The following SART1 variants were observed in gnomAD, a reference collection of about 807,000 sequenced individuals.
SART1 encodes U4/U6.U5 tri-snRNP-associated protein 1.
In SART1, 28 loss-of-function variants were observed where a neutral mutation model predicts 105.0. The ratio of observed to expected loss-of-function variants is 0.27; its 90% confidence interval spans 0.20 to 0.37. SART1 has a LOEUF of 0.37. SART1 is among the 10% of genes least tolerant of loss of function. SART1 has a pLI of 1.00. For missense variants in SART1, 894 were observed against 1,106.5 expected (o/e 0.81, Z 2.72); for synonymous variants, 472 against 462.9 (o/e 1.02, Z -0.25).
chr11:65,976,895 A>C lies in SART1; in HGVS notation c.1858-119A>C. ...TCTGCAGACCTCCCAGGGCGATCTG[A>C]GGAGTAAATGAGGAAATTAAATGTT... On this transcript the variant is annotated intron_variant, in intron 14 of 19. Coordinates refer to ENST00000312397, the MANE Select transcript of SART1 (RefSeq NM_005146.5). This position sits in a 1 kb window ranked among gnomAD's most constrained non-coding sequence, Gnocchi z 5.1. 8.9e-7 allele frequency: 1 copy of C among 1,121,568 alleles called. No homozygotes were observed. 69.5% of individuals were successfully genotyped at this position (1,121,568 alleles called of 1,614,324 possible).
chr11:65,967,208 G>T, intron 9 of SART1, 51 bp from the exon 10 acceptor site: 1 of 1,599,010 alleles, frequency 6.3e-7, no homozygotes, highest in South Asian at 1.1e-5. Context: ...GGCTTGTGGC[G>T]ACCTGCCTTT....
Position 65,978,370 on chromosome 11 carries a change from A to G in SART1, c.2173-230A>G. The stretch of plus-strand genomic sequence containing the variant: ...TGCGTGGCAGGTCTCCAGGTTCCCC[A>G]TGCTCTGCCCCCATGGCAGCGCATC... On this transcript the variant is annotated intron_variant, in intron 17 of 19. Coordinates refer to ENST00000312397, the MANE Select transcript of SART1 (RefSeq NM_005146.5). The surrounding 1 kb of genome is among the most constrained non-coding windows in gnomAD (Gnocchi z 6.8). 1 of 569,898 alleles carries G rather than the reference A, an allele frequency of 1.8e-6. No homozygotes were observed. The highest frequency in any genetic ancestry group is 3.1e-6 in the Non-Finnish European group (1 of 318,062). 35.3% of individuals were successfully genotyped at this position (569,898 alleles called of 1,614,324 possible). A position where few individuals can be genotyped will look rare whatever the true frequency, so the allele number is the denominator to read the frequency against.
intron 12 of SART1, among the ~76,000 whole-genome samples, chr11:65,969,430 T>C (rs1047757264): frequency 3.3e-5 from 5 of 152,142 alleles, no homozygotes; most frequent in African/African-American, 1.2e-4. Flanking sequence ...GCCTGCACAT[T>C]AGACTCACCT....
Position 65,976,819 on chromosome 11 carries a change from T to C in SART1, c.1857+53T>C. 3 of 1,446,624 alleles carry C rather than the reference T, an allele frequency of 2.1e-6. No individual in the cohort carries two copies. Among genetic ancestry groups the C allele is most frequent in the Non-Finnish European group, 2.8e-6 (3 of 1,053,106 alleles). 89.6% of individuals were successfully genotyped at this position (1,446,624 alleles called of 1,614,324 possible). On this transcript the variant is annotated intron_variant, in intron 14 of 19. Transcript: ENST00000312397. The surrounding 1 kb of genome is among the most constrained non-coding windows in gnomAD (Gnocchi z 5.1). ...CGTTTGGGGGTGCTCAAGCTGGAGA[T>C]GAGCACCGGGCTCGGTGTCCAGAGC...
Position 65,966,104 on chromosome 11 carries a change from G to A in SART1, c.867G>A (p.Leu289=). 7 of 1,613,998 alleles carry A rather than the reference G, an allele frequency of 4.3e-6. No individual in the cohort carries two copies. Among genetic ancestry groups the A allele is most frequent in the East Asian group, 2.2e-5 (1 of 44,892 alleles). The change falls in exon 8 of 20, where the codon CTG becomes CTA. Residue 289 remains leucine, a synonymous_variant. Transcript: ENST00000312397. ...KGVLQEEEDV[L]VNVNLVDKER... ...TGCTGCAGGAGGAGGAGGACGTGCT[G>A]GTGAACGTGAACCTGGTGGATAAGG...
Position 65,978,680 on chromosome 11 carries a change from C to T in SART1, c.2253C>T (p.Asp751=), listed in dbSNP as rs757854440. 1.1e-5 allele frequency: 17 copies of T among 1,606,886 alleles called. No homozygotes were observed. The highest frequency in any genetic ancestry group is 1.4e-5 in the Non-Finnish European group (16 of 1,176,934). ...CAGAGCGGCGGATGAAGAAGCTGGACGAGGAGGCGGTGGGTGCCCTTGGGG... is the reference window on the plus strand; with the variant it reads ...CAGAGCGGCGGATGAAGAAGCTGGATGAGGAGGCGGTGGGTGCCCTTGGGG... The part of the protein sequence containing the change: ...MKTERRMKKL[D]EEALLKKMSS... The change falls in exon 18 of 20, where the codon GAC becomes GAT. Residue 751 remains aspartate (D), a synonymous_variant. Coordinates refer to ENST00000312397, the MANE Select transcript of SART1 (RefSeq NM_005146.5). This position sits in a 1 kb window ranked among gnomAD's most constrained non-coding sequence, Gnocchi z 6.8.
intron 3 of SART1, 74 bp from the exon 4 acceptor site, chr11:65,965,018 G>A (rs1855218799): frequency 2.0e-6 from 3 of 1,502,320 alleles, no homozygotes; most frequent in Non-Finnish European, 2.7e-6. Flanking sequence ...CTGGAAGGGG[G>A]CAGGGTGAGT....
rs1349176167 is a variant in SART1, at chr11:65,962,044, C to T, written c.264C>T (p.Pro88=). Residue 88 remains proline (P), a synonymous_variant, in exon 1 of 20, where the codon CCC becomes CCT. Transcript: ENST00000312397. ...THGRERSQAE[P]SERRVKREKR... is the part of the protein sequence containing the mutation. ...GGCGGGAGCGCAGCCAGGCAGAGCC[C>T]TCCGAGCGGCGCGTGAAGCGGGAGA... The T allele has an allele frequency of 4.0e-6, 6 of 1,497,982 alleles. No homozygotes were observed. The highest frequency in any genetic ancestry group is 3.7e-5 in the South Asian group (3 of 80,270). 92.8% of individuals were successfully genotyped at this position (1,497,982 alleles called of 1,614,324 possible).
chr11:65,968,930 C>G (rs1855314935), intron 12 of SART1, among the ~76,000 whole-genome samples: 1 of 152,204 alleles, frequency 6.6e-6, no homozygotes. Flanking sequence ...GAGGAAGGTT[C>G]TGTCATCTCC....
intron 15 of SART1, 128 bp downstream of exon 15, chr11:65,977,229 C>T (rs1855501579): frequency 1.5e-6 from 1 of 680,266 alleles, no homozygotes; most frequent in Middle Eastern, 3.9e-4. Flanking sequence ...CTGTCCGGCC[C>T]AGAGCCACTC....
At chr11:65,967,638 G>A in intron 11 of SART1, 41 bp from the exon 12 acceptor site, 1 of 1,597,258 alleles carries the variant, frequency 6.3e-7, no homozygotes, top group Non-Finnish European at 8.5e-7. Flanking sequence ...CCGCGGGTTG[G>A]AGGAGATGGT....
chr11:65,966,055 A>G lies in SART1; in HGVS notation c.839-21A>G, dbSNP rs754502457. ...GAGTTGCGGACAAGTGTGAATGGCCACTGCTCTGTGCTGCCCCCAGGCGTG... is the reference window on the plus strand; with the variant it reads ...GAGTTGCGGACAAGTGTGAATGGCCGCTGCTCTGTGCTGCCCCCAGGCGTG... On this transcript the variant is annotated intron_variant, in intron 7 of 19. Transcript: ENST00000312397. The G allele has an allele frequency of 5.0e-6, 8 of 1,613,742 alleles. No individual in the cohort carries two copies. The Admixed American group carries it at 1.3e-4, about 27-fold the overall frequency.
intron 1 of SART1, among the ~76,000 whole-genome samples, chr11:65,962,361 G>A (rs1855163712): frequency 6.6e-6 from 1 of 152,230 alleles, no homozygotes. Flanking sequence ...GGTTGTTTAG[G>A]ATTAGAGGTT....
chr11:65,973,288 C>T (rs542392680), intron 12 of SART1, among the ~76,000 whole-genome samples: 4 of 151,864 alleles, frequency 2.6e-5, no homozygotes, highest in African/African-American at 9.7e-5. Flanking sequence ...ATATATACCA[C>T]CAAGAATGGG....
At chr11:65,966,053 C>T (rs779837050) in intron 7 of SART1, 23 bp from the exon 8 acceptor site, 2 of 1,613,764 alleles carry the variant, frequency 1.2e-6, no homozygotes, top group Non-Finnish European at 1.7e-6. Context: ...GTGTGAATGG[C>T]CACTGCTCTG....
chr11:65,967,904 C>G, intron 12 of SART1, 83 bp downstream of exon 12: 3 of 1,131,734 alleles, frequency 2.7e-6, no homozygotes, highest in Admixed American at 6.8e-5. Flanking sequence ...CAGCCACATT[C>G]CTGTCTGAAG....
intron 1 of SART1, 71 bp from the exon 2 acceptor site, chr11:65,964,003 C>T (rs757490054): frequency 2.8e-6 from 4 of 1,411,978 alleles, no homozygotes; most frequent in Non-Finnish European, 3.9e-6. Flanking sequence ...TTTGTTCCTG[C>T]AGCTGGAGCC....
At position 65,977,910 on chromosome 11, in the gene SART1, C is replaced by T; in HGVS notation, c.2172+11C>T. 2 of 1,599,448 alleles carry T rather than the reference C, an allele frequency of 1.3e-6. No homozygotes were observed. Among genetic ancestry groups the T allele is most frequent in the Admixed American group, 1.8e-5 (1 of 55,926 alleles). ...CTCACACCCAAGGAGGTGAGCAGGG[C>T]CTTTTGCAGGCGGAGGCCCGGCCTG... is the stretch of plus-strand genomic sequence containing the variant. On this transcript the variant is annotated intron_variant, in intron 17 of 19. Transcript: ENST00000312397.
In SART1 at chr11:65,979,027, G is replaced by A; in HGVS notation, c.2400G>A (p.Lys800=). ...TTCTCTGCAGGAACACCATCACCAA[G>A]TGACAGCGCCCTCCCGCCCCGGCCC... ...GKSMNANTIT[K] Residue 800 remains lysine, a synonymous_variant, in exon 20 of 20, where the codon AAG becomes AAA. Coordinates refer to ENST00000312397, the MANE Select transcript of SART1 (RefSeq NM_005146.5). 6.2e-7 allele frequency: 1 copy of A among 1,614,162 alleles called. No homozygotes were observed. The highest frequency in any genetic ancestry group is 8.5e-7 in the Non-Finnish European group (1 of 1,180,026).
Sources: allele counts gnomAD v4.1 joint callset (sites outside exome capture counted in the v4.1 genomes callset), GRCh38; gene constraint gnomAD v4.1.1; non-coding constraint Gnocchi (gnomAD v3.1); transcripts MANE v1.5; gene names NCBI Gene and HGNC (gene_info 2026-07-23, HGNC 2026-07-21).